PABIR2: variants seen among roughly 807,000 people sequenced by gnomAD.
PABIR2 encodes the protein family with sequence similarity 122B.
Under a neutral mutation model 22.8 loss-of-function variants are expected in PABIR2, and 7 were observed. The ratio of observed to expected loss-of-function variants is 0.31; its 90% confidence interval spans 0.17 to 0.58. The LOEUF is 0.58. Among genes scored for constraint, PABIR2 ranks in the 20% least tolerant of loss-of-function variants. The pLI, the probability that PABIR2 is intolerant of heterozygous loss-of-function variation, is 0.89. For missense variants in PABIR2, 155 were observed against 205.1 expected (o/e 0.76, Z 1.49); for synonymous variants, 67 against 73.8 (o/e 0.91, Z 0.47).
At chrX:134,791,895 A>C (rs761566184) in intron 2 of PABIR2, among the ~76,000 whole-genome samples, 14 of 111,226 alleles carry the variant, frequency 1.3e-4, no homozygotes, top group African/African-American at 4.2e-4. Flanking sequence ...ACCAATCTCT[A>C]CTCCTACTAA....
At chrX:134,779,129 G>A (rs374433889) in intron 9 of PABIR2, among the ~76,000 whole-genome samples, 3 of 110,918 alleles carry the variant, frequency 2.7e-5, no homozygotes, top group African/African-American at 9.8e-5. Flanking sequence ...AGCTTTTTAC[G>A]TTTAAGAATC....
rs1275705257 is a variant in PABIR2, at chrX:134,789,008, G to T, written c.333+77C>A. ...GAAGTAGAAGGGGAAAGAAGTGTGCGAAAAAATTAATGAACCTAGTGAACA... is the reference window on the plus strand; with the variant it reads ...GAAGTAGAAGGGGAAAGAAGTGTGCTAAAAAATTAATGAACCTAGTGAACA... On this transcript the variant is annotated intron_variant, in intron 5 of 9. Coordinates refer to ENST00000343004, the MANE Select transcript of PABIR2 (RefSeq NM_001387468.1). The T allele has an allele frequency of 2.6e-6, 3 of 1,159,750 alleles. No homozygotes were observed. The African/African-American group carries it at 5.4e-5, about 21-fold the overall frequency.
rs1002846456 is a variant in PABIR2 at position 134,788,479 on chromosome X, G to A, written c.435+251C>T. Among the ~76,000 whole-genome samples, 4 of 102,334 alleles carry A rather than the reference G, an allele frequency of 3.9e-5. No homozygotes were observed. In the South Asian group the frequency reaches 1.6e-3, roughly 41 times the overall value. 88.9% of individuals were successfully genotyped at this position (102,334 alleles called of 115,157 possible). On this transcript the variant is annotated intron_variant, in intron 6 of 9. Coordinates refer to ENST00000343004, the MANE Select transcript of PABIR2 (RefSeq NM_001387468.1). ...TATGTTATATATGTGTTATATATAC[G>A]TTATATATGTAATATATACGTTATA...
chrX:134,774,447 A>G (rs2078913445), intron 9 of PABIR2, among the ~76,000 whole-genome samples: 1 of 111,776 alleles, frequency 8.9e-6, no homozygotes, highest in Non-Finnish European at 1.9e-5. Context: ...GATAATCTGA[A>G]TATAAATAAA....
chrX:134,796,298 G>T lies in PABIR2; in HGVS notation c.-93C>A. ...CTCTCACTGCAGGACTGAGCTGCTG[G>T]GGACTGGCAGCTGGGGGCGGGGGCT... is the stretch of plus-strand genomic sequence containing the variant. On this transcript the variant is annotated 5_prime_UTR_variant, in exon 1 of 10. Transcript: ENST00000343004. The T allele has an allele frequency of 1.7e-6, 1 of 597,365 alleles. No homozygotes were observed. Among genetic ancestry groups the T allele is most frequent in the South Asian group, 4.3e-5 (1 of 23,088 alleles). The allele number at this position is 597,365 out of a possible 1,213,427, so 49.2% of individuals were successfully genotyped here. A position where few individuals can be genotyped will look rare whatever the true frequency, so the allele number is the denominator to read the frequency against.
At chrX:134,787,567 A>T (rs2079368676) in intron 6 of PABIR2, 34 bp from the exon 7 acceptor site, 1 of 1,137,656 alleles carries the variant, frequency 8.8e-7, no homozygotes, top group African/African-American at 1.8e-5. Flanking sequence ...ACTAGAAAAA[A>T]CATATTCAAT....
Position 134,796,714 on chromosome X carries a change from AGAG to A in PABIR2, c.-512_-510del, listed in dbSNP as rs1403706086. The A allele has an allele frequency of 9.0e-6, 1 of 111,270 alleles. No individual in the cohort carries two copies. Among genetic ancestry groups the A allele is most frequent in the African/African-American group, 3.4e-5 (1 of 29,804 alleles). The allele number at this position is 111,270 out of a possible 1,213,427, so 9.2% of individuals were successfully genotyped here. A position where few individuals can be genotyped will look rare whatever the true frequency, so the allele number is the denominator to read the frequency against. On this transcript the variant is annotated 5_prime_UTR_variant, in exon 1 of 10. Transcript: ENST00000343004. ...CGGGAAAGAAGGAGGTGGTCTGGGA[AGAG>A]GAGAGAGGAGGGAGAAGAGGAGGGG...
intron 1 of PABIR2, among the ~76,000 whole-genome samples, chrX:134,795,359 T>C (rs1271969687): frequency 1.8e-5 from 2 of 111,616 alleles, no homozygotes; most frequent in Non-Finnish European, 3.8e-5. Context: ...CTAAGATGAA[T>C]TGTCTCCTTA....
At chrX:134,784,460 C>T (rs889825785) in intron 8 of PABIR2, among the ~76,000 whole-genome samples, 13 of 107,789 alleles carry the variant, frequency 1.2e-4, no homozygotes, top group East Asian at 8.8e-4. Flanking sequence ...GAACGAAATT[C>T]GGTCTCAAAA....
Position 134,771,227 on chromosome X carries a change from C to T in PABIR2, c.*912G>A, listed in dbSNP as rs905068371. The T allele has an allele frequency of 3.9e-5, 42 of 1,086,262 alleles. No homozygotes were observed. The highest frequency in any genetic ancestry group is 9.0e-5 in the Admixed American group (3 of 33,464). 89.5% of individuals were successfully genotyped at this position (1,086,262 alleles called of 1,213,427 possible). On this transcript the variant is annotated 3_prime_UTR_variant, in exon 10 of 10. Transcript: ENST00000343004. Reference sequence around the variant, plus strand: ...AGGCACCTGAGGCCTCATAATACCACTCGAGACACTGACAGCTCCATGGAC... The same window carrying T: ...AGGCACCTGAGGCCTCATAATACCATTCGAGACACTGACAGCTCCATGGAC...
At chrX:134,774,680 T>A (rs1220422642) in intron 9 of PABIR2, among the ~76,000 whole-genome samples, 1 of 111,666 alleles carries the variant, frequency 9.0e-6, no homozygotes, top group East Asian at 2.8e-4. Flanking sequence ...CAGAATGTCT[T>A]CCCTATTATT....
chrX:134,788,058 C>T (rs1332990060), intron 6 of PABIR2, among the ~76,000 whole-genome samples: 3 of 106,178 alleles, frequency 2.8e-5, no homozygotes, highest in Admixed American at 1.1e-4. Flanking sequence ...GTAATATACA[C>T]GTTATATATA....
intron 6 of PABIR2, among the ~76,000 whole-genome samples, chrX:134,787,983 T>C (rs2079392141): frequency 9.3e-6 from 1 of 107,497 alleles, no homozygotes; most frequent in Non-Finnish European, 1.9e-5. Flanking sequence ...AACAATATCT[T>C]TAGAATTGCT....
intron 1 of PABIR2, among the ~76,000 whole-genome samples, chrX:134,795,635 G>A (rs149067968): frequency 5.3e-5 from 6 of 112,164 alleles, no homozygotes; most frequent in South Asian, 3.7e-4. Flanking sequence ...TCCAAATCAC[G>A]TACTACGATG....
Position 134,779,050 on chromosome X carries a change from G to A in PABIR2, c.659+2771C>T, listed in dbSNP as rs1208468918. On this transcript the variant is annotated intron_variant, in intron 9 of 9. Transcript: ENST00000343004. Reference sequence around the variant, plus strand: ...AAGATGATCTCGATCTCCTGACCTCGTGATCCACCTGCCTCAGCCTCCCAA... The same window carrying A: ...AAGATGATCTCGATCTCCTGACCTCATGATCCACCTGCCTCAGCCTCCCAA... 4.5e-5 allele frequency among the ~76,000 whole-genome samples: 5 copies of A among 111,142 alleles called. No individual in the cohort carries two copies. The South Asian group carries it at 1.5e-3, about 33-fold the overall frequency.
intron 2 of PABIR2, among the ~76,000 whole-genome samples, chrX:134,792,623 T>C (rs1319025009): frequency 1.8e-5 from 2 of 111,931 alleles, no homozygotes; most frequent in African/African-American, 3.2e-5. Context: ...CCAAACAGAA[T>C]TGCACTGGGA....
intron 5 of PABIR2, 118 bp from the exon 6 acceptor site, chrX:134,788,949 G>A (rs2079463498): frequency 2.9e-6 from 3 of 1,019,629 alleles, no homozygotes; most frequent in Admixed American, 2.7e-5. Flanking sequence ...TATTCTGCTG[G>A]AAAAGCAGAG....
chrX:134,777,524 CAAAAAAAAAA>C (rs1177263144), intron 9 of PABIR2, among the ~76,000 whole-genome samples: 18 of 29,560 alleles, frequency 6.1e-4, no homozygotes, highest in African/African-American at 1.8e-3. Flanking sequence ...GATCTTGTAT[CAAAAAAAAAA>C]AAAAAAAAAA....
chrX:134,787,026 T>C (rs2079343724), intron 7 of PABIR2, among the ~76,000 whole-genome samples: 1 of 111,315 alleles, frequency 9.0e-6, no homozygotes, highest in African/African-American at 3.3e-5. Flanking sequence ...TATATGGTTG[T>C]TCACTGTGAA....
Sources: gnomAD v4.1 joint callset for allele counts (sites outside exome capture counted in the v4.1 genomes callset) on GRCh38, gnomAD v4.1.1 for gene constraint, MANE v1.5 for transcripts, NCBI Gene and HGNC (gene_info 2026-07-23, HGNC 2026-07-21) for gene names.